CTNND2: variants seen among roughly 807,000 people sequenced by gnomAD.
CTNND2 encodes catenin delta 2.
CTNND2 carries 22 observed loss-of-function variants against 144.4 expected under a neutral mutation model. The observed-to-expected ratio is 0.15, with a 90% CI of 0.11 to 0.22. The LOEUF is 0.22. CTNND2 is among the 10% of genes least tolerant of loss of function. CTNND2 has a pLI of 1.00. For synonymous variants in CTNND2, 751 were observed against 695.6 expected (o/e 1.08, Z -1.25); for missense variants, 1,353 against 1,618.8 (o/e 0.84, Z 2.82).
chr5:11,460,267 A>C (rs1434308396), intron 3 of CTNND2, among the ~76,000 whole-genome samples: 1 of 152,202 alleles, frequency 6.6e-6, no homozygotes, highest in East Asian at 1.9e-4. Flanking sequence ...CTATCTCAGG[A>C]AAAATTTATC....
At chr5:11,497,856 T>C (rs1770131452) in intron 3 of CTNND2, among the ~76,000 whole-genome samples, 1 of 152,204 alleles carries the variant, frequency 6.6e-6, no homozygotes, top group Non-Finnish European at 1.5e-5. Context: ...ATAGGCTTTG[T>C]GTCCCACTGA....
intron 2 of CTNND2, among the ~76,000 whole-genome samples, chr5:11,662,285 A>G (rs1783309122): frequency 6.9e-6 from 1 of 144,604 alleles, no homozygotes; most frequent in Non-Finnish European, 1.5e-5. Flanking sequence ...ATATATATAT[A>G]TATATAGACA....
intron 10 of CTNND2, among the ~76,000 whole-genome samples, chr5:11,230,780 T>C (rs188814402): frequency 6.6e-6 from 1 of 152,332 alleles, no homozygotes; most frequent in Admixed American, 6.5e-5. Flanking sequence ...GTGACTACAC[T>C]TCTATCTCAG....
intron 3 of CTNND2, among the ~76,000 whole-genome samples, chr5:11,555,258 G>A (rs977834747): frequency 1.3e-5 from 2 of 152,182 alleles, no homozygotes; most frequent in Non-Finnish European, 2.9e-5. Context: ...CAGACACCTA[G>A]TTCTAGCAGT....
chr5:11,720,127 C>T (rs1786584776), intron 2 of CTNND2, among the ~76,000 whole-genome samples: 1 of 152,076 alleles, frequency 6.6e-6, no homozygotes, highest in South Asian at 2.1e-4. Flanking sequence ...CAGTGAATTT[C>T]CCAAAGAGAC....
intron 2 of CTNND2, among the ~76,000 whole-genome samples, chr5:11,679,345 C>T (rs1474785280): frequency 2.0e-5 from 3 of 152,194 alleles, no homozygotes; most frequent in African/African-American, 7.2e-5. Context: ...TTGTGCTAAA[C>T]CCTACAATGC....
chr5:11,203,572 G>A (rs539663016), intron 10 of CTNND2, among the ~76,000 whole-genome samples: 3 of 152,056 alleles, frequency 2.0e-5, no homozygotes, highest in East Asian at 2.0e-4. Flanking sequence ...ATGAGGTTTC[G>A]CCATGTTGCC....
intron 9 of CTNND2, among the ~76,000 whole-genome samples, chr5:11,315,046 A>T (rs1751351365): frequency 6.6e-6 from 1 of 152,242 alleles, no homozygotes; most frequent in South Asian, 2.1e-4. Flanking sequence ...GCTATCAAAA[A>T]TAATCATTAA....
intron 1 of CTNND2, among the ~76,000 whole-genome samples, chr5:11,844,995 G>A (rs1425428788): frequency 6.6e-6 from 1 of 152,062 alleles, no homozygotes; most frequent in African/African-American, 2.4e-5. Flanking sequence ...GAGCTAGCGT[G>A]TGACTCTAAC....
At chr5:11,722,903 A>C (rs1786767792) in intron 2 of CTNND2, among the ~76,000 whole-genome samples, 2 of 152,210 alleles carry the variant, frequency 1.3e-5, no homozygotes, top group African/African-American at 2.4e-5. Context: ...AATAGTAAAC[A>C]CAAAAAATTA....
chr5:11,498,410 G>T (rs1416375855), intron 3 of CTNND2, among the ~76,000 whole-genome samples: 1 of 152,048 alleles, frequency 6.6e-6, no homozygotes, highest in Non-Finnish European at 1.5e-5. Flanking sequence ...GGCTTGTTAG[G>T]CCATGACCTT....
At position 11,310,497 on chromosome 5, in the gene CTNND2, T is replaced by C. The variant is rs58839714; in HGVS notation, c.1628+35875A>G. ...CTCACAGATCTATCCCTTCACTCCA[T>C]CCTACACGTTAAAATCACTGTAATC... is the stretch of plus-strand genomic sequence containing the variant. On this transcript the variant is annotated intron_variant, in intron 9 of 21. Coordinates refer to ENST00000304623, the MANE Select transcript of CTNND2 (RefSeq NM_001332.4). Among the ~76,000 whole-genome samples, 1,440 of 152,020 alleles carry C rather than the reference T, an allele frequency of 9.5e-3. 20 individuals are homozygous for C. The highest frequency in any genetic ancestry group is 0.034 in the African/African-American group (1,388 of 41,398).
chr5:11,529,212 G>A (rs1773525950), intron 3 of CTNND2, among the ~76,000 whole-genome samples: 1 of 152,080 alleles, frequency 6.6e-6, no homozygotes, highest in South Asian at 2.1e-4. Flanking sequence ...CTCCTACTTA[G>A]CATAATGCTC....
chr5:11,601,498 G>A (rs1779792234), intron 2 of CTNND2, among the ~76,000 whole-genome samples: 1 of 151,734 alleles, frequency 6.6e-6, no homozygotes, highest in Admixed American at 6.6e-5. Context: ...TTTTAATGTG[G>A]TCTATTTGAA....
At chr5:11,893,920 T>C (rs1367450667) in intron 1 of CTNND2, among the ~76,000 whole-genome samples, 4 of 152,186 alleles carry the variant, frequency 2.6e-5, no homozygotes, top group Admixed American at 1.3e-4. Context: ...CCCTCTCAAG[T>C]ACCTAAAACT....
chr5:11,205,192 T>C (rs1737915565), intron 10 of CTNND2, among the ~76,000 whole-genome samples: 1 of 152,188 alleles, frequency 6.6e-6, no homozygotes, highest in Admixed American at 6.5e-5. Context: ...TATATATATG[T>C]ATAGCATATC....
At position 11,568,313 on chromosome 5, in the gene CTNND2, C is replaced by G. The variant is rs1422264360; in HGVS notation, c.175-3257G>C. On this transcript the variant is annotated intron_variant, in intron 2 of 21. Transcript: ENST00000304623. ...CCCTGGACTCTCAGCACTGTCTTAA[C>G]TACTGAGACCCTGCTAGGCTTCCTC... Among the ~76,000 whole-genome samples the G allele has an allele frequency of 2.6e-5, 4 of 152,214 alleles. No individual in the cohort carries two copies. The East Asian group carries it at 5.8e-4, about 22-fold the overall frequency.
intron 8 of CTNND2, 76 bp downstream of exon 8, chr5:11,364,620 T>C (rs534771740): frequency 1.7e-6 from 2 of 1,182,822 alleles, no homozygotes; most frequent in South Asian, 3.3e-5. Flanking sequence ...ACCTTTCATT[T>C]GGGAGTGTTA....
intron 9 of CTNND2, among the ~76,000 whole-genome samples, chr5:11,237,065 G>C (rs529139398): frequency 2.7e-4 from 41 of 150,906 alleles, no homozygotes; most frequent in Middle Eastern, 3.5e-3. Context: ...TGTCGCCCAG[G>C]CTGGAGTGCA....
Sources: allele counts gnomAD v4.1 joint callset (sites outside exome capture counted in the v4.1 genomes callset), GRCh38; gene constraint gnomAD v4.1.1; transcripts MANE v1.5; gene names NCBI Gene and HGNC (gene_info 2026-07-23, HGNC 2026-07-21).